Variants in FAM83A observed in about 807,000 individuals in gnomAD.
FAM83A encodes the protein scaffolding CK1 anchoring protein A, also known as protein FAM83A.
FAM83A carries 21 observed loss-of-function variants against 24.4 expected under a neutral mutation model. The ratio of observed to expected loss-of-function variants is 0.86; its 90% confidence interval spans 0.61 to 1.24. The LOEUF (loss-of-function observed/expected upper bound fraction) is 1.24. Among genes scored for constraint, FAM83A ranks in the 50% most tolerant of loss-of-function variants. FAM83A has a pLI of 0.00. For missense variants in FAM83A, 617 were observed against 579.8 expected (o/e 1.06, Z -0.66); for synonymous variants, 270 against 252.4 (o/e 1.07, Z -0.66).
exon 4 of FAM83A, chr8:123,207,247 C>T (rs1180323386): frequency 6.2e-7 from 1 of 1,613,010 alleles, no homozygotes; most frequent in South Asian, 1.1e-5. Context: ...AGTTCCGCCA[C>T]CTCTACGCCT....
At chr8:123,199,253 A>G (rs1200143332) in intron 3 of FAM83A, among the ~76,000 whole-genome samples, 1 of 152,220 alleles carries the variant, frequency 6.6e-6, no homozygotes, top group Non-Finnish European at 1.5e-5. Context: ...GGTATTACTT[A>G]TACTTTCAAA....
chr8:123,196,089 G>A (rs910675394), intron 3 of FAM83A, among the ~76,000 whole-genome samples: 1 of 152,200 alleles, frequency 6.6e-6, no homozygotes, highest in Non-Finnish European at 1.5e-5. Flanking sequence ...CCAGTTCACT[G>A]CAACCTCTGC....
exon 4 of FAM83A, chr8:123,207,501 A>G: frequency 1.3e-6 from 2 of 1,579,638 alleles, no homozygotes; most frequent in Non-Finnish European, 1.7e-6. Context: ...CAGCCCCACC[A>G]AGGCCCTTGG....
intron 1 of FAM83A, among the ~76,000 whole-genome samples, chr8:123,187,115 T>C (rs528648111): frequency 1.3e-5 from 2 of 152,076 alleles, no homozygotes; most frequent in African/African-American, 4.8e-5. Flanking sequence ...GGGAAAGGAA[T>C]TCCAGGCCTA....
At chr8:123,180,074 T>C (rs1407029514), upstream of FAM83A, 1 of 152,198 alleles carries the variant, frequency 6.6e-6, no homozygotes, top group East Asian at 1.9e-4. Flanking sequence ...ACTTGACCTT[T>C]CTGAGCCTCG....
At chr8:123,208,097 T>C in exon 4 of FAM83A, 1 of 1,011,498 alleles carries the variant, frequency 9.9e-7, no homozygotes, top group Non-Finnish European at 1.2e-6. Flanking sequence ...TTGGTACTTC[T>C]GGTTCCCAGT....
chr8:123,180,983 G>A (rs1340217981), upstream of FAM83A, among the ~76,000 whole-genome samples: 7 of 151,932 alleles, frequency 4.6e-5, no homozygotes, highest in African/African-American at 1.7e-4. Context: ...TCGCTCTGTT[G>A]CCCAGGCTAC....
At chr8:123,182,093 T>C (rs890899014), upstream of FAM83A, 1 of 456,124 alleles carries the variant, frequency 2.2e-6, no homozygotes, top group Non-Finnish European at 4.4e-6. Flanking sequence ...CCAGACAGTG[T>C]TCCAAGAAGC....
At chr8:123,205,565 T>C (rs1431734883) in intron 3 of FAM83A, among the ~76,000 whole-genome samples, 1 of 152,220 alleles carries the variant, frequency 6.6e-6, no homozygotes, top group Non-Finnish European at 1.5e-5. Flanking sequence ...AACCCTGGGC[T>C]GAGGCCAGGC....
At chr8:123,206,057 C>T (rs952099391) in intron 3 of FAM83A, among the ~76,000 whole-genome samples, 4 of 151,152 alleles carry the variant, frequency 2.6e-5, no homozygotes, top group Non-Finnish European at 4.4e-5. Context: ...GCAGAATAAT[C>T]GTTTGAACCT....
chr8:123,187,467 C>T lies in FAM83A; in HGVS notation c.480+4131C>T, dbSNP rs562241233. Among the ~76,000 whole-genome samples the T allele has an allele frequency of 1.2e-4, 18 of 152,296 alleles. No homozygotes were observed. The South Asian group carries it at 2.1e-3, about 18-fold the overall frequency. ...TGCGGACATCAGAGATTTGCAAAAA[C>T]GCAAAACAGTGCCGCCCTGCTCACC... On this transcript the variant is annotated intron_variant, in intron 1 of 3. Coordinates refer to ENST00000690554, the Ensembl canonical transcript of FAM83A.
chr8:123,197,524 A>T (rs1824198744), intron 3 of FAM83A, among the ~76,000 whole-genome samples: 1 of 152,188 alleles, frequency 6.6e-6, no homozygotes, highest in Non-Finnish European at 1.5e-5. Context: ...CTGAGCAAAT[A>T]TTCCATGGAC....
At chr8:123,186,613 TGAGGTCAGGAGTTCAA>T (rs1320186175) in intron 1 of FAM83A, among the ~76,000 whole-genome samples, 1 of 152,128 alleles carries the variant, frequency 6.6e-6, no homozygotes, top group Non-Finnish European at 1.5e-5. Context: ...GTGGATCTCC[TGAGGTCAGGAGTTCAA>T]GACCAGCCTG....
chr8:123,192,833 G>T (rs532706929), intron 2 of FAM83A: 1 of 152,388 alleles, frequency 6.6e-6, no homozygotes, highest in Non-Finnish European at 1.5e-5. Flanking sequence ...TACCTCCTTG[G>T]CACGAGGCCA....
At chr8:123,185,483 A>G (rs1823762456) in intron 1 of FAM83A, among the ~76,000 whole-genome samples, 1 of 152,188 alleles carries the variant, frequency 6.6e-6, no homozygotes, top group Admixed American at 6.5e-5. Flanking sequence ...TAGGACCCTG[A>G]CACCGCTGAT....
At chr8:123,206,961 T>G (rs1824572076) in intron 3 of FAM83A, among the ~76,000 whole-genome samples, 196 bp from the exon 4 acceptor site, 1 of 74,412 alleles carries the variant, frequency 1.3e-5, no homozygotes, top group Non-Finnish European at 2.6e-5. Flanking sequence ...CCTCCCCTCC[T>G]TTTCCTCCTC....
chr8:123,195,615 C>T (rs1283049707), intron 3 of FAM83A, among the ~76,000 whole-genome samples: 1 of 152,236 alleles, frequency 6.6e-6, no homozygotes, highest in Non-Finnish European at 1.5e-5. Context: ...CCATTACTCA[C>T]AGTCCTGAAG....
upstream of FAM83A, chr8:123,179,753 T>C (rs752057787): frequency 6.6e-6 from 1 of 152,150 alleles, no homozygotes; most frequent in Non-Finnish European, 1.5e-5. Flanking sequence ...TTTTTTTGTT[T>C]TGTTTTAAAG....
exon 4 of FAM83A, chr8:123,207,313 C>T (rs772844896): frequency 7.4e-6 from 12 of 1,611,662 alleles, no homozygotes; most frequent in Middle Eastern, 1.7e-4. Context: ...CCGTCCCGCC[C>T]GGAGCAGCCC....
Sources: gnomAD v4.1 joint callset for allele counts (sites outside exome capture counted in the v4.1 genomes callset) on GRCh38, gnomAD v4.1.1 for gene constraint, MANE v1.5 for transcripts, NCBI Gene and HGNC (gene_info 2026-07-23, HGNC 2026-07-21) for gene names.